The following FARS2 variants were observed in gnomAD, a reference collection of about 807,000 sequenced individuals.
FARS2 encodes phenylalanine--tRNA ligase, mitochondrial.
A neutral mutation model predicts 46.4 loss-of-function variants in FARS2; 40 were observed. That is an observed-to-expected ratio of 0.86 (90% CI 0.67 to 1.12). The LOEUF is 1.12. FARS2 is among the 50% of genes most tolerant of loss of function. The pLI is 0.00. For missense variants in FARS2, 513 were observed against 567.9 expected, an observed-to-expected ratio of 0.90 and a Z score of 0.98; for synonymous variants, 234 against 214.9, an observed-to-expected ratio of 1.09 and a Z score of -0.78.
At chr6:5,431,699 A>G (rs780669721) in intron 4 of FARS2, 1 of 532,848 alleles carries the variant, frequency 1.9e-6, no homozygotes, top group Non-Finnish European at 3.8e-6. Flanking sequence ...GAAAATGGAA[A>G]CACGAGGTTG....
chr6:5,276,408 T>G (rs1430846270), intron 1 of FARS2, among the ~76,000 whole-genome samples: 1 of 152,146 alleles, frequency 6.6e-6, no homozygotes, highest in Admixed American at 6.5e-5. Flanking sequence ...TCAGGACACT[T>G]GAGATCAGTG....
At chr6:5,322,056 T>C (rs1287496771) in intron 1 of FARS2, among the ~76,000 whole-genome samples, 7 of 152,232 alleles carry the variant, frequency 4.6e-5, no homozygotes, top group Admixed American at 4.6e-4. Flanking sequence ...TGGTACCTGT[T>C]ATATTTTAGG....
chr6:5,449,531 C>T (rs1764368508), intron 4 of FARS2, among the ~76,000 whole-genome samples: 1 of 152,062 alleles, frequency 6.6e-6, no homozygotes, highest in Non-Finnish European at 1.5e-5. Context: ...AATTCATTGG[C>T]ATAAGGCAAA....
intron 4 of FARS2, among the ~76,000 whole-genome samples, chr6:5,438,489 T>C (rs1180532100): frequency 6.6e-6 from 1 of 151,980 alleles, no homozygotes; most frequent in Non-Finnish European, 1.5e-5. Context: ...GATCACCAAA[T>C]ATATTTTTAT....
At chr6:5,306,973 T>TAG (rs1184995138) in intron 1 of FARS2, among the ~76,000 whole-genome samples, 14 of 152,306 alleles carry the variant, frequency 9.2e-5, no homozygotes, top group Non-Finnish European at 1.5e-4. Flanking sequence ...AGAGAAAACT[T>TAG]ATCTAAGACC....
At chr6:5,672,878 G>A (rs1425324549) in intron 6 of FARS2, among the ~76,000 whole-genome samples, 1 of 152,156 alleles carries the variant, frequency 6.6e-6, no homozygotes, top group Non-Finnish European at 1.5e-5. Context: ...AAACGCCTTT[G>A]AGTGGTGAGA....
intron 5 of FARS2, among the ~76,000 whole-genome samples, chr6:5,578,833 A>AC: frequency 9.8e-5 from 1 of 10,230 alleles, no homozygotes; most frequent in Non-Finnish European, 3.0e-4. Context: ...AAAAAAAAAA[A>AC]CAAAAAAAAA....
intron 6 of FARS2, among the ~76,000 whole-genome samples, chr6:5,680,079 A>G (rs1046877994): frequency 1.3e-5 from 2 of 152,346 alleles, no homozygotes; most frequent in African/African-American, 4.8e-5. Context: ...TTCTTGCTAC[A>G]TAATCACAGT....
chr6:5,468,229 C>T (rs1161216388), intron 4 of FARS2, among the ~76,000 whole-genome samples: 2 of 152,208 alleles, frequency 1.3e-5, no homozygotes, highest in East Asian at 1.9e-4. Context: ...TGGCATTTCT[C>T]ATTCTACGAT....
chr6:5,717,198 G>A (rs1285141901), intron 6 of FARS2, among the ~76,000 whole-genome samples: 2 of 152,182 alleles, frequency 1.3e-5, no homozygotes, highest in South Asian at 2.1e-4. Context: ...AGAAAAAGGA[G>A]CAGGGAAAAA....
intron 1 of FARS2, among the ~76,000 whole-genome samples, chr6:5,301,039 C>T (rs985536455): frequency 6.6e-6 from 1 of 151,244 alleles, no homozygotes; most frequent in Non-Finnish European, 1.5e-5. Context: ...TTCTGAAGTC[C>T]TAGAAAATGA....
intron 4 of FARS2, among the ~76,000 whole-genome samples, chr6:5,461,006 A>G (rs1765211191): frequency 6.7e-6 from 1 of 150,262 alleles, no homozygotes; most frequent in African/African-American, 2.5e-5. Context: ...GTGTGTGTTT[A>G]TGGGCTTGTT....
rs1457710610 is a variant in FARS2 at position 5,545,360 on chromosome 6, C to G, written c.1065+20C>G. ...TTTCAGGTAAGATGACTTGCAAGAA[C>G]TGAATAGATAATAATAAAAATGGCT... On this transcript the variant is annotated intron_variant, in intron 5 of 6. Coordinates refer to ENST00000274680, the MANE Select transcript of FARS2 (RefSeq NM_006567.5). 3 of 1,598,696 alleles carry G rather than the reference C, an allele frequency of 1.9e-6. No homozygotes were observed. The highest frequency in any genetic ancestry group is 2.7e-5 in the African/African-American group (2 of 74,732).
At chr6:5,330,956 A>C (rs937312326) in intron 1 of FARS2, among the ~76,000 whole-genome samples, 8 of 151,962 alleles carry the variant, frequency 5.3e-5, no homozygotes, top group African/African-American at 1.9e-4. Flanking sequence ...AATCCCCAAA[A>C]TTAGCCAGGT....
intron 6 of FARS2, among the ~76,000 whole-genome samples, chr6:5,700,486 G>A (rs1289098570): frequency 1.3e-5 from 2 of 151,588 alleles, no homozygotes; most frequent in African/African-American, 2.4e-5. Context: ...AGCTCACTGC[G>A]ACCTCCACCT....
At chr6:5,731,374 C>T (rs1166101768) in intron 6 of FARS2, among the ~76,000 whole-genome samples, 1 of 152,100 alleles carries the variant, frequency 6.6e-6, no homozygotes, top group Non-Finnish European at 1.5e-5. Context: ...GACTCTCCTC[C>T]TCTGTGAGGC....
intron 4 of FARS2, among the ~76,000 whole-genome samples, chr6:5,520,719 A>G (rs1348521940): frequency 1.3e-5 from 2 of 152,188 alleles, no homozygotes; most frequent in Non-Finnish European, 2.9e-5. Context: ...ATATTTTTCA[A>G]ATTATCCTTG....
At chr6:5,375,147 G>A (rs1759297753) in intron 2 of FARS2, among the ~76,000 whole-genome samples, 1 of 152,034 alleles carries the variant, frequency 6.6e-6, no homozygotes, top group African/African-American at 2.4e-5. Context: ...TGCTTTATTT[G>A]TAGAGGATTT....
chr6:5,725,998 A>C (rs17292578), intron 6 of FARS2, among the ~76,000 whole-genome samples: 8,176 of 152,242 alleles, frequency 0.054, 308 homozygotes, highest in South Asian at 0.085. Flanking sequence ...CATTGTTGGA[A>C]TAGGCATTGG....
Sources: allele counts gnomAD v4.1 joint callset (sites outside exome capture counted in the v4.1 genomes callset), GRCh38; gene constraint gnomAD v4.1.1; transcripts MANE v1.5; gene names NCBI Gene and HGNC (gene_info 2026-07-23, HGNC 2026-07-21).